The following BRWD1 variants were observed in gnomAD, a reference collection of about 807,000 sequenced individuals.
The protein encoded by BRWD1 is bromodomain and WD repeat-containing protein 1.
In BRWD1, 82 loss-of-function variants were observed where a neutral mutation model predicts 251.2. The observed-to-expected ratio is 0.33, with a 90% confidence interval of 0.27 to 0.39. The LOEUF is 0.39. BRWD1 is among the 10% of genes least tolerant of loss of function. The pLI, the probability that BRWD1 is intolerant of heterozygous loss-of-function variation, is 1.00. For missense variants in BRWD1, 2,233 were observed against 2,711.6 expected (o/e 0.82, Z 3.92); for synonymous variants, 918 against 902.8 (o/e 1.02, Z -0.30).
chr21:39,276,329 G>A, intron 11 of BRWD1, 116 bp from the exon 12 acceptor site: 4 of 755,636 alleles, frequency 5.3e-6, no homozygotes, highest in Non-Finnish European at 8.1e-6. Flanking sequence ...ATTTGCACTT[G>A]TGTTGCTTAG....
At chr21:39,317,579 C>G (rs1421323312), upstream of BRWD1, among the ~76,000 whole-genome samples, 3 of 152,224 alleles carry the variant, frequency 2.0e-5, no homozygotes, top group African/African-American at 7.2e-5. Context: ...CTGCAAAGTC[C>G]ATTCTCCCTT....
Position 39,269,940 on chromosome 21 carries a change from C to A in BRWD1, c.1489G>T (p.Asp497Tyr). ...AGHDGSIFIW[D>Y]ITKGTKMKHY... ...TTCATCTTGGTACCTTTTGTAATAT[C>A]CCATATAAATATGCTGCCATCATGT... Residue 497 changes from aspartate to tyrosine, a missense_variant, in exon 15 of 41, where the codon GAT becomes TAT. Asp to Tyr is a radical substitution (Grantham distance 160, BLOSUM62 -3). This residue lies in a region of BRWD1 where 315 missense variants were observed against 421.8 expected (regional missense o/e 0.75). Coordinates refer to ENST00000342449, the MANE Select transcript of BRWD1 (RefSeq NM_033656.4). 1.3e-6 allele frequency: 2 copies of A among 1,571,802 alleles called. No individual in the cohort carries two copies. The highest frequency in any genetic ancestry group is 1.7e-6 in the Non-Finnish European group (2 of 1,157,454).
chr21:39,257,544 A>T (rs575185484), intron 18 of BRWD1, among the ~76,000 whole-genome samples: 86 of 149,230 alleles, frequency 5.8e-4, no homozygotes, highest in African/African-American at 1.3e-3. Context: ...TAAATCCTAA[A>T]TTTTTTTTTT....
At chr21:39,224,518 G>A (rs2146533278) in intron 28 of BRWD1, 49 bp from the exon 29 acceptor site, 1 of 1,213,132 alleles carries the variant, frequency 8.2e-7, no homozygotes, top group East Asian at 2.4e-5. Flanking sequence ...AAAACAAAAT[G>A]TGGATAATAG....
At chr21:39,207,230 T>C (rs945196937) in intron 36 of BRWD1, among the ~76,000 whole-genome samples, 1 of 151,502 alleles carries the variant, frequency 6.6e-6, no homozygotes, top group African/African-American at 2.4e-5. Context: ...AGGTCAAGGG[T>C]TCAAGACTAG....
At chr21:39,212,209 ATCT>A (rs2032691241) in intron 34 of BRWD1, among the ~76,000 whole-genome samples, 1 of 152,082 alleles carries the variant, frequency 6.6e-6, no homozygotes, top group Admixed American at 6.6e-5. Flanking sequence ...TTTAATACAC[ATCT>A]TCTTATCCTT....
At chr21:39,209,015 A>G (rs752252612) in intron 36 of BRWD1, among the ~76,000 whole-genome samples, 5 of 151,996 alleles carry the variant, frequency 3.3e-5, no homozygotes, top group Non-Finnish European at 7.4e-5. Context: ...CCAACCTACT[A>G]TAAAACACTA....
intron 18 of BRWD1, among the ~76,000 whole-genome samples, chr21:39,257,368 C>G (rs983991781): frequency 6.6e-6 from 1 of 152,084 alleles, no homozygotes; most frequent in Non-Finnish European, 1.5e-5. Flanking sequence ...GTATTCCTGT[C>G]TAAATGCTTA....
intron 21 of BRWD1, among the ~76,000 whole-genome samples, chr21:39,242,868 T>C (rs1481490643): frequency 6.6e-6 from 1 of 152,196 alleles, no homozygotes; most frequent in Non-Finnish European, 1.5e-5. Context: ...GTTTACCAGA[T>C]ATTGTAAGCC....
In BRWD1 at chr21:39,229,319, A is replaced by G; in HGVS notation, c.3118T>C (p.Ser1040Pro). Reference sequence around the variant, plus strand: ...TTAAAAAATAATACATACCTAATAGAGAAAGATTTGTCCATAAGTTTTCCA... The same window carrying G: ...TTAAAAAATAATACATACCTAATAGGGAAAGATTTGTCCATAAGTTTTCCA... Reference protein sequence around the residue: ...ATGKLMDKSFSIRYHDMPDVI... With the variant: ...ATGKLMDKSFPIRYHDMPDVI... The change falls in exon 26 of 41, where the codon TCT becomes CCT. Residue 1040 changes from serine (S) to proline (P), a missense_variant. By Grantham distance (74) the Ser-to-Pro change is moderately conservative (BLOSUM62 -1). Coordinates refer to ENST00000342449, the MANE Select transcript of BRWD1 (RefSeq NM_033656.4). The G allele has an allele frequency of 1.3e-6, 2 of 1,598,300 alleles. No individual in the cohort carries two copies. Among genetic ancestry groups the G allele is most frequent in the Non-Finnish European group, 8.6e-7 (1 of 1,166,956 alleles).
chr21:39,272,344 G>A (rs146862179), intron 13 of BRWD1, among the ~76,000 whole-genome samples: 2,155 of 149,928 alleles, frequency 0.014, 47 homozygotes, highest in African/African-American at 0.05. Context: ...GGCTAACATG[G>A]TGAAACCCCG....
chr21:39,297,505 C>A, intron 5 of BRWD1: 1 of 627,524 alleles, frequency 1.6e-6, no homozygotes, highest in Non-Finnish European at 2.0e-6. Flanking sequence ...AACAGGCTAC[C>A]AATTAACTAC....
chr21:39,247,251 G>A (rs1396980441), intron 21 of BRWD1, among the ~76,000 whole-genome samples: 2 of 152,172 alleles, frequency 1.3e-5, no homozygotes, highest in Non-Finnish European at 2.9e-5. Context: ...TAATAGAGGT[G>A]ACGATGGCCC....
chr21:39,305,863 A>G (rs1180987177), intron 4 of BRWD1, among the ~76,000 whole-genome samples: 1 of 45,396 alleles, frequency 2.2e-5, no homozygotes, highest in Non-Finnish European at 4.4e-5. Flanking sequence ...ACTGTCTCAA[A>G]AAGAAAAAAA....
intron 11 of BRWD1, 108 bp from the exon 12 acceptor site, chr21:39,276,321 T>C (rs2035280504): frequency 3.2e-6 from 3 of 923,132 alleles, no homozygotes; most frequent in East Asian, 2.8e-5. Flanking sequence ...CAAGCAAAAT[T>C]TGCACTTGTG....
At chr21:39,238,658 A>G in intron 21 of BRWD1, 85 bp from the exon 22 acceptor site, 1 of 836,774 alleles carries the variant, frequency 1.2e-6, no homozygotes, top group Non-Finnish European at 2.0e-6. Context: ...AATCCTCCCC[A>G]GTAAGATTAA....
intron 4 of BRWD1, chr21:39,312,426 A>C: frequency 6.2e-6 from 1 of 162,466 alleles, no homozygotes. Context: ...TTCCTAGGGA[A>C]CAAGTGGGGG....
chr21:39,284,015 AT>A (rs1456534819), intron 8 of BRWD1, among the ~76,000 whole-genome samples: 1 of 152,174 alleles, frequency 6.6e-6, no homozygotes, highest in African/African-American at 2.4e-5. Flanking sequence ...AAATCTACAC[AT>A]TTTGAGTGAC....
At chr21:39,292,736 G>GA (rs35935639) in intron 8 of BRWD1, among the ~76,000 whole-genome samples, 71,323 of 151,990 alleles carry the variant, frequency 0.47, 16,920 homozygotes, top group Admixed American at 0.54. Context: ...CTTCAACGAA[G>GA]AAACTGCAAG....
Sources: gnomAD v4.1 joint callset for allele counts (sites outside exome capture counted in the v4.1 genomes callset) on GRCh38, gnomAD v4.1.1 for gene constraint, gnomAD v4.1.1 regional missense constraint, MANE v1.5 for transcripts, NCBI Gene and HGNC (gene_info 2026-07-23, HGNC 2026-07-21) for gene names.